The following STARD13 variants were observed in gnomAD, a reference collection of about 807,000 sequenced individuals.
The protein encoded by STARD13 is StAR related lipid transfer domain containing 13, also known as stAR-related lipid transfer protein 13.
Under a neutral mutation model 106.4 loss-of-function variants are expected in STARD13, and 62 were observed. The observed-to-expected ratio is 0.58, with a 90% CI of 0.48 to 0.72. STARD13 has a LOEUF of 0.72. Among genes scored for constraint, STARD13 ranks in the 30% least tolerant of loss-of-function variants. STARD13 has a pLI of 0.00. For missense variants in STARD13, 1,387 were observed against 1,424.0 expected (o/e 0.97, Z 0.42); for synonymous variants, 565 against 553.0 (o/e 1.02, Z -0.31).
Position 33,130,811 on chromosome 13 carries a change from A to T in STARD13, c.388-522T>A, listed in dbSNP as rs948543125. On this transcript the variant is annotated intron_variant, in intron 4 of 13. Transcript: ENST00000336934. This position sits in a 1 kb window ranked among gnomAD's most constrained non-coding sequence, Gnocchi z 4.1. ...TCCTTATTTTAGTCCCCTGCACTTG[A>T]TTCTTATCGTGTATTCCCTGGATAA... 6.6e-6 allele frequency among the ~76,000 whole-genome samples: 1 copy of T among 152,182 alleles called. No individual in the cohort carries two copies.
the STARD13 span, among the ~76,000 whole-genome samples, chr13:33,428,011 G>A: frequency 3.3e-5 from 5 of 151,356 alleles, no homozygotes; most frequent in African/African-American, 1.2e-4. Context: ...TAGAGAACTC[G>A]GACATAAATC....
intron 1 of STARD13, among the ~76,000 whole-genome samples, chr13:33,221,671 G>T (rs1435823890): frequency 1.3e-5 from 2 of 152,146 alleles, no homozygotes; most frequent in Non-Finnish European, 2.9e-5. Context: ...AGTGCAAAAT[G>T]AAAACACAGG....
At chr13:33,199,545 T>TA (rs1886866956) in intron 1 of STARD13, among the ~76,000 whole-genome samples, 1 of 152,216 alleles carries the variant, frequency 6.6e-6, no homozygotes, top group African/African-American at 2.4e-5. Context: ...CAGAAGACTT[T>TA]ACAAGAAACT....
the STARD13 span, among the ~76,000 whole-genome samples, chr13:33,512,048 G>A: frequency 6.6e-6 from 1 of 152,152 alleles, no homozygotes; most frequent in East Asian, 1.9e-4. Flanking sequence ...GGAGACACAG[G>A]CTGTTTTTAG....
chr13:33,494,086 G>A, the STARD13 span, among the ~76,000 whole-genome samples: 4 of 152,300 alleles, frequency 2.6e-5, no homozygotes, highest in Admixed American at 1.3e-4. Flanking sequence ...TTGAAACTGG[G>A]ACAGAAAGCG....
chr13:33,504,447 C>G, the STARD13 span, among the ~76,000 whole-genome samples: 2 of 152,106 alleles, frequency 1.3e-5, no homozygotes, highest in South Asian at 4.2e-4. Flanking sequence ...GAGTTCATGT[C>G]CTTTGTAGGG....
At chr13:33,608,853 G>C in the STARD13 span, among the ~76,000 whole-genome samples, 1 of 152,224 alleles carries the variant, frequency 6.6e-6, no homozygotes, top group South Asian at 2.1e-4. Context: ...TTGGGAGGCC[G>C]AGGCGGGAGG....
At chr13:33,169,591 G>A (rs1883713422) in intron 1 of STARD13, among the ~76,000 whole-genome samples, 2 of 152,202 alleles carry the variant, frequency 1.3e-5, no homozygotes, top group African/African-American at 4.8e-5. Flanking sequence ...GAGAAGCACA[G>A]AATATTATAT....
the STARD13 span, among the ~76,000 whole-genome samples, chr13:33,360,679 GA>G: frequency 6.1e-3 from 801 of 131,246 alleles, 4 homozygotes; most frequent in East Asian, 7.6e-3. Context: ...TAGACAGAAG[GA>G]ATCCTTCTGT....
intron 1 of STARD13, among the ~76,000 whole-genome samples, chr13:33,267,457 C>A (rs1890951345): frequency 6.6e-6 from 1 of 152,206 alleles, no homozygotes; most frequent in African/African-American, 2.4e-5. Flanking sequence ...TCTCCCCACA[C>A]AGATGTCCGT....
At chr13:33,112,583 T>C (rs766247106) in intron 9 of STARD13, 138 bp downstream of exon 9, 8 of 706,686 alleles carry the variant, frequency 1.1e-5, no homozygotes, top group Non-Finnish European at 1.9e-5. Flanking sequence ...TTGATCTATC[T>C]ACCTACCTAT....
At chr13:33,228,788 T>C (rs181813162) in intron 1 of STARD13, among the ~76,000 whole-genome samples, 36 of 152,274 alleles carry the variant, frequency 2.4e-4, no homozygotes, top group Admixed American at 1.2e-3. Context: ...ACGTAGAGTC[T>C]GATAACCAAA....
At chr13:33,289,277 T>C (rs569508844), upstream of STARD13, among the ~76,000 whole-genome samples, 48 of 152,280 alleles carry the variant, frequency 3.2e-4, no homozygotes, top group African/African-American at 1.1e-3. Context: ...TAAGACTATT[T>C]CAGGAGTGAG....
chr13:33,606,966 G>T, the STARD13 span, among the ~76,000 whole-genome samples: 1 of 152,110 alleles, frequency 6.6e-6, no homozygotes, highest in Non-Finnish European at 1.5e-5. Context: ...TGGATAATCC[G>T]GGTTAATCTC....
the STARD13 span, among the ~76,000 whole-genome samples, chr13:33,624,276 A>C: frequency 6.6e-6 from 1 of 152,244 alleles, no homozygotes; most frequent in Non-Finnish European, 1.5e-5. Flanking sequence ...CATACAAGGC[A>C]GTACTAATCA....
chr13:33,425,109 C>T, the STARD13 span, among the ~76,000 whole-genome samples: 1 of 152,156 alleles, frequency 6.6e-6, no homozygotes, highest in Non-Finnish European at 1.5e-5. Flanking sequence ...AAACTGTAGC[C>T]TCACTTTATG....
At chr13:33,151,301 C>G (rs1881248132) in intron 3 of STARD13, among the ~76,000 whole-genome samples, 1 of 152,104 alleles carries the variant, frequency 6.6e-6, no homozygotes, top group Non-Finnish European at 1.5e-5. Context: ...GTACAAGGAG[C>G]ATGGTGTTGG....
At chr13:33,225,050 T>C (rs757487256) in intron 1 of STARD13, among the ~76,000 whole-genome samples, 2 of 152,084 alleles carry the variant, frequency 1.3e-5, no homozygotes, top group Non-Finnish European at 2.9e-5. Flanking sequence ...TAAAAAAAAA[T>C]AACTTTTTTG....
chr13:33,518,978 C>A, the STARD13 span, among the ~76,000 whole-genome samples: 1 of 152,084 alleles, frequency 6.6e-6, no homozygotes, highest in African/African-American at 2.4e-5. Context: ...CTCTGCTTGA[C>A]CAAACATCTA....
Sources: gnomAD v4.1 joint callset for allele counts (sites outside exome capture counted in the v4.1 genomes callset) on GRCh38, gnomAD v4.1.1 for gene constraint, Gnocchi (gnomAD v3.1) non-coding constraint, MANE v1.5 for transcripts, NCBI Gene and HGNC (gene_info 2026-07-23, HGNC 2026-07-21) for gene names.